The following SLC35F2 variants were observed in gnomAD, a reference collection of about 807,000 sequenced individuals.
SLC35F2 encodes the protein solute carrier family 35 member F2.
In SLC35F2, 25 loss-of-function variants were observed where a neutral mutation model predicts 38.1. That is an observed-to-expected ratio of 0.66 (90% CI 0.48 to 0.92). The LOEUF (loss-of-function observed/expected upper bound fraction) is 0.92, where lower values mean the gene tolerates loss of function less well. Among genes scored for constraint, SLC35F2 ranks in the 40% least tolerant of loss-of-function variants. The probability of loss-of-function intolerance (pLI) is 0.00; values close to 1 mark genes in which losing one functional copy is unlikely to be tolerated. For synonymous variants in SLC35F2, 173 were observed against 181.7 expected (o/e 0.95, Z 0.38); for missense variants, 409 against 452.9 (o/e 0.90, Z 0.88).
chr11:107,811,205 G>C, intron 3 of SLC35F2: 1 of 985,158 alleles, frequency 1.0e-6, no homozygotes, highest in Non-Finnish European at 1.2e-6. Context: ...ACCTAACAAA[G>C]AAATAGGGAT....
intron 7 of SLC35F2, among the ~76,000 whole-genome samples, chr11:107,796,295 A>C (rs1247283956): frequency 1.3e-5 from 2 of 152,208 alleles, no homozygotes; most frequent in Non-Finnish European, 2.9e-5. Flanking sequence ...AAGGAAAAGA[A>C]ATCAGTATAT....
intron 1 of SLC35F2, among the ~76,000 whole-genome samples, chr11:107,843,620 C>T (rs141844009): frequency 0.021 from 3,216 of 151,310 alleles, 200 homozygotes; most frequent in Admixed American, 0.12. Flanking sequence ...CTTTGGGAGG[C>T]CAAGGTGGGA....
intron 1 of SLC35F2, among the ~76,000 whole-genome samples, chr11:107,838,627 CTTTTTT>C (rs71047631): frequency 0.4 from 43,041 of 108,276 alleles, 7,637 homozygotes; most frequent in South Asian, 0.51. Flanking sequence ...GCCCGGCCCT[CTTTTTT>C]TTTTTTTTTT....
At chr11:107,825,361 C>CTTTTTTTT (rs112751391) in intron 1 of SLC35F2, among the ~76,000 whole-genome samples, 24 of 123,586 alleles carry the variant, frequency 1.9e-4, no homozygotes, top group South Asian at 5.2e-4. Context: ...GCATTTCTTT[C>CTTTTTTTT]TTTTTTTTTT....
intron 5 of SLC35F2, 88 bp from the exon 6 acceptor site, chr11:107,804,858 G>A (rs1859368916): frequency 2.5e-6 from 3 of 1,215,946 alleles, no homozygotes; most frequent in Non-Finnish European, 2.3e-6. Flanking sequence ...TTCAGCTAAA[G>A]TGAGGAATTA....
intron 1 of SLC35F2, among the ~76,000 whole-genome samples, chr11:107,818,224 G>A (rs1312937721): frequency 6.6e-6 from 1 of 151,992 alleles, no homozygotes; most frequent in Admixed American, 6.5e-5. Flanking sequence ...TTGAGCCCAG[G>A]AGTTTGAGAC....
In SLC35F2 at chr11:107,792,295, G is replaced by A; in HGVS notation, c.*320C>T. On this transcript the variant is annotated 3_prime_UTR_variant, in exon 8 of 8. Coordinates refer to ENST00000525815, the MANE Select transcript of SLC35F2 (RefSeq NM_017515.5). ...GCTTTCCCGCCCTGGCCTGAGGCTGGCTCAGTCCTGGATCTCTCCCCAGTC... is the reference window on the plus strand; with the variant it reads ...GCTTTCCCGCCCTGGCCTGAGGCTGACTCAGTCCTGGATCTCTCCCCAGTC... The A allele has an allele frequency of 5.0e-6, 1 of 199,304 alleles. No individual in the cohort carries two copies. The highest frequency in any genetic ancestry group is 1.0e-5 in the Non-Finnish European group (1 of 100,394). The allele number at this position is 199,304 out of a possible 1,614,324, so 12.3% of individuals were successfully genotyped here. A position where few individuals can be genotyped will look rare whatever the true frequency, so the allele number is the denominator to read the frequency against.
intron 1 of SLC35F2, among the ~76,000 whole-genome samples, chr11:107,836,334 CT>C (rs11329610): frequency 1.3e-5 from 2 of 149,774 alleles, no homozygotes; most frequent in East Asian, 2.0e-4. Context: ...TGCTCTAAAG[CT>C]TTTTTTTTGT....
At chr11:107,840,336 C>T (rs989427370) in intron 1 of SLC35F2, among the ~76,000 whole-genome samples, 4 of 152,168 alleles carry the variant, frequency 2.6e-5, no homozygotes, top group African/African-American at 9.7e-5. Context: ...TCCCTCTGCC[C>T]ATCCCAGTCT....
At chr11:107,836,041 A>G (rs2134832754) in intron 1 of SLC35F2, among the ~76,000 whole-genome samples, 1 of 152,326 alleles carries the variant, frequency 6.6e-6, no homozygotes, top group African/African-American at 2.4e-5. Flanking sequence ...ATTCTCCAGC[A>G]TGAATGGAGC....
At chr11:107,854,237 G>C (rs1860240133) in intron 1 of SLC35F2, among the ~76,000 whole-genome samples, 1 of 150,390 alleles carries the variant, frequency 6.6e-6, no homozygotes, top group Non-Finnish European at 1.5e-5. Context: ...TTTGAGACCA[G>C]CCTGGGCAAC....
At position 107,804,999 on chromosome 11, in the gene SLC35F2, A is replaced by G. The variant is rs552542936; in HGVS notation, c.732-229T>C. On this transcript the variant is annotated intron_variant, in intron 5 of 7. Coordinates refer to ENST00000525815, the MANE Select transcript of SLC35F2 (RefSeq NM_017515.5). ...AGGTGCTCTGAAATAATAGTCAAGT[A>G]TAGGAGGAAAATATGATATTATGCT... 1.0e-5 allele frequency: 10 copies of G among 967,844 alleles called. No homozygotes were observed. In the African/African-American group the frequency reaches 1.6e-4, roughly 15 times the overall value. 60.0% of individuals were successfully genotyped at this position (967,844 alleles called of 1,614,324 possible). A position where few individuals can be genotyped will look rare whatever the true frequency, so the allele number is the denominator to read the frequency against.
chr11:107,843,858 AAAAAAAAAAAATATATATATATATAT>A (rs1192768649), intron 1 of SLC35F2, among the ~76,000 whole-genome samples: 5 of 39,322 alleles, frequency 1.3e-4, no homozygotes, highest in Non-Finnish European at 2.1e-4. Context: ...AAAAAAAAAA[AAAAAAAAAAAATATATATATATATAT>A]ATATATATAT....
chr11:107,818,068 A>AAAAAAAAG (rs1466843526), intron 1 of SLC35F2, among the ~76,000 whole-genome samples: 1 of 101,508 alleles, frequency 9.9e-6, no homozygotes, highest in Non-Finnish European at 2.0e-5. Flanking sequence ...AAAAAAAAAA[A>AAAAAAAAG]AAAAAAAGAA....
At chr11:107,809,781 T>C (rs1461494505) in intron 3 of SLC35F2, 5 of 984,764 alleles carry the variant, frequency 5.1e-6, no homozygotes, top group African/African-American at 3.5e-5. Context: ...AGTTAGATCA[T>C]ATTAGAGGTA....
rs767730740 is a variant in SLC35F2 at position 107,806,732 on chromosome 11, T to C, written c.559A>G (p.Arg187Gly). The C allele has an allele frequency of 2.5e-6, 4 of 1,614,056 alleles. No homozygotes were observed. The highest frequency in any genetic ancestry group is 2.5e-6 in the Non-Finnish European group (3 of 1,179,952). Residue 187 changes from arginine to glycine, a missense_variant, in exon 4 of 8, where the codon AGG becomes GGG. Arg to Gly is a moderately radical substitution (Grantham distance 125). Transcript: ENST00000525815. ...TMVGADILAG[R>G]EDNSGSDVLI... ...ACCGTCTCACCTGAATTGTCTTCCC[T>C]CCCTGCTAGTATGTCTGCACCAACC... is the stretch of plus-strand genomic sequence containing the variant.
At chr11:107,845,718 TAAGACAGGCG>T (rs1860095487) in intron 1 of SLC35F2, among the ~76,000 whole-genome samples, 1 of 151,768 alleles carries the variant, frequency 6.6e-6, no homozygotes, top group African/African-American at 2.4e-5. Context: ...TTTGGGAGGC[TAAGACAGGCG>T]GATCACTTCA....
intron 2 of SLC35F2, among the ~76,000 whole-genome samples, chr11:107,812,492 C>T (rs951689741): frequency 6.9e-6 from 1 of 144,010 alleles, no homozygotes; most frequent in African/African-American, 2.5e-5. Context: ...GCTGGGCTTA[C>T]ATAATGAGAC....
chr11:107,810,971 A>T (rs749069928), intron 3 of SLC35F2: 4 of 982,872 alleles, frequency 4.1e-6, no homozygotes, highest in Non-Finnish European at 4.8e-6. Flanking sequence ...AAAAAATGAA[A>T]AAAAAGTTAT....
Sources: gnomAD v4.1 joint callset for allele counts (sites outside exome capture counted in the v4.1 genomes callset) on GRCh38, gnomAD v4.1.1 for gene constraint, MANE v1.5 for transcripts, NCBI Gene and HGNC (gene_info 2026-07-23, HGNC 2026-07-21) for gene names.